TBC1D5: variants seen among roughly 807,000 people sequenced by gnomAD.
TBC1D5 encodes the protein TBC1 domain family member 5, also known as TBC1 domain family, member 5.
Under a neutral mutation model 100.3 loss-of-function variants are expected in TBC1D5, and 75 were observed. That is an observed-to-expected ratio of 0.75 (90% CI 0.62 to 0.91). TBC1D5 has a LOEUF of 0.91. Ranked by LOEUF, TBC1D5 falls within the 40% of genes least tolerant of loss-of-function variation. TBC1D5 has a pLI of 0.00. For missense variants in TBC1D5, 910 were observed against 942.4 expected (o/e 0.97, Z 0.45); for synonymous variants, 323 against 325.6 (o/e 0.99, Z 0.09).
At chr3:17,170,116 CCT>C (rs1228779291) in intron 19 of TBC1D5, among the ~76,000 whole-genome samples, 2 of 152,156 alleles carry the variant, frequency 1.3e-5, no homozygotes, top group African/African-American at 2.4e-5. Context: ...AGTGGGAACC[CCT>C]GTTTTAGAGG....
At chr3:17,564,853 C>A (rs2096583825) in intron 2 of TBC1D5, among the ~76,000 whole-genome samples, 1 of 151,756 alleles carries the variant, frequency 6.6e-6, no homozygotes, top group African/African-American at 2.4e-5. Context: ...TGTCACAATG[C>A]ACAGTAGTAC....
At chr3:17,251,526 T>C (rs1574960955) in intron 16 of TBC1D5, among the ~76,000 whole-genome samples, 1 of 144,176 alleles carries the variant, frequency 6.9e-6, no homozygotes, top group African/African-American at 2.5e-5. Flanking sequence ...TCTATGGCAA[T>C]GGGCTTTTAT....
intron 14 of TBC1D5, among the ~76,000 whole-genome samples, chr3:17,297,367 G>T (rs1183393242): frequency 6.6e-6 from 1 of 152,136 alleles, no homozygotes; most frequent in Non-Finnish European, 1.5e-5. Flanking sequence ...ATGAGGTCAG[G>T]AGATTGAGAC....
chr3:17,463,943 C>CGTTTTTT (rs1491538980), intron 3 of TBC1D5, among the ~76,000 whole-genome samples: 1 of 87,512 alleles, frequency 1.1e-5, no homozygotes, highest in South Asian at 4.3e-4. Context: ...TTCCTTATTC[C>CGTTTTTT]TTTTTTTTTT....
intron 3 of TBC1D5, among the ~76,000 whole-genome samples, chr3:17,441,691 T>G (rs2094660732): frequency 6.6e-6 from 1 of 152,206 alleles, no homozygotes; most frequent in Admixed American, 6.5e-5. Context: ...ATCACAAAAT[T>G]AATTCTTTCT....
At chr3:17,453,640 A>G (rs2094981321) in intron 3 of TBC1D5, among the ~76,000 whole-genome samples, 1 of 152,150 alleles carries the variant, frequency 6.6e-6, no homozygotes, top group South Asian at 2.1e-4. Context: ...ATAATGAGTA[A>G]CAAGATCAAA....
chr3:17,561,538 A>G (rs758383576), intron 2 of TBC1D5, among the ~76,000 whole-genome samples: 33 of 152,172 alleles, frequency 2.2e-4, no homozygotes, highest in Non-Finnish European at 4.4e-4. Context: ...AAATTTTGAT[A>G]AGTTGACCAA....
At chr3:17,520,370 G>A (rs1450692247) in intron 2 of TBC1D5, among the ~76,000 whole-genome samples, 1 of 152,116 alleles carries the variant, frequency 6.6e-6, no homozygotes, top group Non-Finnish European at 1.5e-5. Context: ...AAATGACGAA[G>A]AGAAAGGAAG....
chr3:17,672,810 C>T (rs1276189776), intron 1 of TBC1D5: 1 of 152,144 alleles, frequency 6.6e-6, no homozygotes, highest in Non-Finnish European at 1.5e-5. Context: ...GGATACAATG[C>T]TATAAGAATT....
In TBC1D5 at chr3:17,432,781, G is replaced by A. The variant is rs148106472; in HGVS notation, c.98-4262C>T. Reference sequence around the variant, plus strand: ...AGAAAAGGATGCTTTGTTATCAAAGGTTCCTATTAAACCTTTCATAGAATT... The same window carrying A: ...AGAAAAGGATGCTTTGTTATCAAAGATTCCTATTAAACCTTTCATAGAATT... On this transcript the variant is annotated intron_variant, in intron 3 of 21. Coordinates refer to ENST00000253692, the Ensembl canonical transcript of TBC1D5. Among the ~76,000 whole-genome samples the A allele has an allele frequency of 9.9e-3, 1,504 of 152,218 alleles. 28 individuals carry two copies. The highest frequency in any genetic ancestry group is 0.034 in the African/African-American group (1,408 of 41,508).
rs2095080658 is a variant in TBC1D5, at chr3:17,456,189, TAAACTACCACAAA to T, written c.98-27683_98-27671del. ...ACTTAAATCTAAGACCTCAAACTAT[TAAACTACCACAAA>T]AAAAAATCTGGGAAACTCTCCAGGA... On this transcript the variant is annotated intron_variant, in intron 3 of 21. Transcript: ENST00000253692. Among the ~76,000 whole-genome samples, 3 of 151,016 alleles carry T rather than the reference TAAACTACCACAAA, an allele frequency of 2.0e-5. No homozygotes were observed. The South Asian group carries it at 6.3e-4, about 32-fold the overall frequency.
chr3:17,425,228 T>G (rs1415904347), intron 4 of TBC1D5, among the ~76,000 whole-genome samples: 1 of 152,220 alleles, frequency 6.6e-6, no homozygotes, highest in Non-Finnish European at 1.5e-5. Context: ...AACTGTATTT[T>G]ATCATCTCCA....
intron 3 of TBC1D5, among the ~76,000 whole-genome samples, chr3:17,454,142 T>C (rs111733805): frequency 1.3e-5 from 2 of 152,140 alleles, no homozygotes; most frequent in African/African-American, 4.8e-5. Flanking sequence ...AAGCCATATA[T>C]GACAGACCCA....
chr3:17,514,702 T>G (rs1326730253), intron 2 of TBC1D5, among the ~76,000 whole-genome samples: 1 of 152,038 alleles, frequency 6.6e-6, no homozygotes. Flanking sequence ...TGCTATAAAG[T>G]CATGAGAAAG....
chr3:17,248,317 T>C lies in TBC1D5; in HGVS notation c.1332-9898A>G, dbSNP rs183671078. Among the ~76,000 whole-genome samples the C allele has an allele frequency of 3.5e-3, 534 of 152,326 alleles. 4 individuals are homozygous for C. The highest frequency in any genetic ancestry group is 0.012 in the African/African-American group (479 of 41,558). On this transcript the variant is annotated intron_variant, in intron 16 of 21. Transcript: ENST00000253692. ...TGATGTCTTGAATCCCTCTGAGTCA[T>C]TGATGAGTGTTGAAATCAACTTCTT...
At chr3:17,350,553 T>C (rs768870477) in intron 13 of TBC1D5, among the ~76,000 whole-genome samples, 4 of 152,206 alleles carry the variant, frequency 2.6e-5, no homozygotes, top group East Asian at 1.9e-4. Flanking sequence ...TTTACAATCA[T>C]GTGCTAACGT....
intron 19 of TBC1D5, among the ~76,000 whole-genome samples, chr3:17,174,712 G>T (rs2067527092): frequency 6.6e-6 from 1 of 152,150 alleles, no homozygotes; most frequent in Non-Finnish European, 1.5e-5. Context: ...TCCTGTCTCA[G>T]CTTCCTGAGT....
intron 1 of TBC1D5, among the ~76,000 whole-genome samples, chr3:17,729,352 A>AG (rs1400031186): frequency 7.1e-6 from 1 of 140,912 alleles, no homozygotes; most frequent in Non-Finnish European, 1.5e-5. Flanking sequence ...GAAATTTGAG[A>AG]GAAAAAAAAA....
chr3:17,219,196 G>A (rs1382200639), intron 17 of TBC1D5, among the ~76,000 whole-genome samples: 1 of 151,428 alleles, frequency 6.6e-6, no homozygotes, highest in African/African-American at 2.4e-5. Flanking sequence ...TTGAGCCCCT[G>A]TAATAACTTT....
Sources: allele counts gnomAD v4.1 joint callset (sites outside exome capture counted in the v4.1 genomes callset), GRCh38; gene constraint gnomAD v4.1.1; transcripts MANE v1.5; gene names NCBI Gene and HGNC (gene_info 2026-07-23, HGNC 2026-07-21).